ACBD5: variants seen among roughly 807,000 people sequenced by gnomAD.
The protein encoded by ACBD5 is acyl-CoA binding domain containing 5, also known as acyl-CoA-binding domain-containing protein 5.
Under a neutral mutation model 71.8 loss-of-function variants are expected in ACBD5, and 40 were observed. That is an observed-to-expected ratio of 0.56 (90% CI 0.43 to 0.72). ACBD5 has a LOEUF of 0.72. Among genes scored for constraint, ACBD5 ranks in the 30% least tolerant of loss-of-function variants. The pLI, the probability that ACBD5 is intolerant of heterozygous loss-of-function variation, is 0.00. For synonymous variants in ACBD5, 229 were observed against 218.6 expected, an observed-to-expected ratio of 1.05 and a Z score of -0.42; for missense variants, 559 against 644.5, an observed-to-expected ratio of 0.87 and a Z score of 1.44.
At chr10:27,229,962 C>T (rs574347963) in intron 4 of ACBD5, among the ~76,000 whole-genome samples, 39 of 152,224 alleles carry the variant, frequency 2.6e-4, no homozygotes, top group African/African-American at 8.4e-4. Context: ...ATTGCCTCAT[C>T]GTCCTCCAAC....
In ACBD5 at chr10:27,219,750, C is replaced by G. The variant is rs774634240; in HGVS notation, c.598G>C (p.Val200Leu). ...ESEEEEAQEE[V>L]KGAEQSDNDK... ...TTATCACTTTGTTCTGCTCCTTTCA[C>G]TTCTTCTTGGGCCTCTTCTTCCTCA... The change falls in exon 6 of 13, where the codon GTG (valine) becomes CTG (leucine). Residue 200 changes from valine (V) to leucine (L), a missense_variant. Physicochemically the swap from Val to Leu is conservative, Grantham distance 32. Transcript: ENST00000396271. The G allele has an allele frequency of 5.6e-6, 9 of 1,614,066 alleles. No homozygotes were observed. Among genetic ancestry groups the G allele is most frequent in the Non-Finnish European group, 1.7e-6 (2 of 1,179,986 alleles).
In ACBD5 at chr10:27,223,292, A is replaced by C. The variant is rs770501539; in HGVS notation, c.490+46T>G. 1.5e-5 allele frequency: 20 copies of C among 1,344,864 alleles called. No individual in the cohort carries two copies. The South Asian group carries it at 2.2e-4, about 15-fold the overall frequency. 83.3% of individuals were successfully genotyped at this position (1,344,864 alleles called of 1,614,324 possible). ...CAGAGATACAAATATTAATATGTGC[A>C]TAATATATCAGTTGATGAATTTAAA... On this transcript the variant is annotated intron_variant, in intron 5 of 12. Transcript: ENST00000396271.
chr10:27,223,646 C>T (rs972623095), intron 4 of ACBD5, among the ~76,000 whole-genome samples, 194 bp from the exon 5 acceptor site: 2 of 151,408 alleles, frequency 1.3e-5, no homozygotes, highest in Admixed American at 6.5e-5. Context: ...TGGCTCATGC[C>T]TGTAATCCCA....
In ACBD5 at chr10:27,205,250, T is replaced by G; in HGVS notation, c.1405-2A>C. ...CAATGTTGATGTTGATGATTTTGCC[T>G]GTAAATGCAAATGAAGGTGACTTAG... On this transcript the variant is annotated splice_acceptor_variant, in intron 10 of 12. Transcript: ENST00000396271. LOFTEE classifies it high-confidence loss of function. 1 of 1,612,824 alleles carries G rather than the reference T, an allele frequency of 6.2e-7. No individual in the cohort carries two copies.
At chr10:27,189,326 A>G (rs1207626397) in intron 13 of ACBD5, among the ~76,000 whole-genome samples, 1 of 152,206 alleles carries the variant, frequency 6.6e-6, no homozygotes, top group African/African-American at 2.4e-5. Context: ...CCGGCCAGCT[A>G]TATACAGTTT....
intron 12 of ACBD5, among the ~76,000 whole-genome samples, chr10:27,200,942 T>C (rs1308580188): frequency 6.6e-6 from 1 of 151,868 alleles, no homozygotes; most frequent in African/African-American, 2.4e-5. Context: ...AAGGCTGAGG[T>C]GGGAGGATCT....
intron 10 of ACBD5, among the ~76,000 whole-genome samples, chr10:27,207,910 T>C (rs1207719990): frequency 1.3e-5 from 2 of 152,148 alleles, no homozygotes; most frequent in African/African-American, 4.8e-5. Flanking sequence ...AACTTTTGTA[T>C]TTTTAGTAGA....
upstream of ACBD5, among the ~76,000 whole-genome samples, chr10:27,241,521 T>C (rs1023859307): frequency 1.3e-5 from 2 of 152,056 alleles, no homozygotes; most frequent in African/African-American, 2.4e-5. Flanking sequence ...ACACTACCCT[T>C]TCCACCCAGC....
At chr10:27,194,482 G>T (rs1448089849), downstream of ACBD5, among the ~76,000 whole-genome samples, 1 of 145,326 alleles carries the variant, frequency 6.9e-6, no homozygotes, top group Non-Finnish European at 1.5e-5. Context: ...TGTGGTGGTG[G>T]GTGCCTGTAA....
At chr10:27,191,511 G>T (rs2059075714), downstream of ACBD5, among the ~76,000 whole-genome samples, 3 of 152,180 alleles carry the variant, frequency 2.0e-5, no homozygotes, top group Non-Finnish European at 2.9e-5. Context: ...AGGTTGTGCA[G>T]GTGGGGCGGG....
intron 6 of ACBD5, among the ~76,000 whole-genome samples, chr10:27,218,901 GTCTT>G (rs1337728752): frequency 2.6e-5 from 4 of 152,146 alleles, no homozygotes; most frequent in Admixed American, 2.0e-4. Context: ...TTGTTTTAGT[GTCTT>G]TCTGTCTCCC....
chr10:27,240,039 C>T lies in ACBD5; in HGVS notation c.181+280G>A, dbSNP rs1180879250. Reference sequence around the variant, plus strand: ...TTGGGATTACAGGCTTGAGCCACCGCGCCCGGCCCGGATTTATTTTTTAAC... The same window carrying T: ...TTGGGATTACAGGCTTGAGCCACCGTGCCCGGCCCGGATTTATTTTTTAAC... On this transcript the variant is annotated intron_variant, in intron 2 of 12. Coordinates refer to ENST00000396271, the MANE Select transcript of ACBD5 (RefSeq NM_145698.5). The surrounding 1 kb of genome is among the most constrained non-coding windows in gnomAD (Gnocchi z 4.1). Among the ~76,000 whole-genome samples the T allele has an allele frequency of 6.6e-6, 1 of 152,176 alleles. No homozygotes were observed. Among genetic ancestry groups the T allele is most frequent in the African/African-American group, 2.4e-5 (1 of 41,436 alleles).
intron 4 of ACBD5, among the ~76,000 whole-genome samples, chr10:27,226,178 G>C (rs1300836026): frequency 1.3e-5 from 2 of 151,950 alleles, no homozygotes; most frequent in Non-Finnish European, 2.9e-5. Context: ...TTTAGATTCA[G>C]AGGGTACATG....
intron 12 of ACBD5, among the ~76,000 whole-genome samples, chr10:27,200,445 T>C (rs556966951): frequency 1.4e-4 from 21 of 152,136 alleles, no homozygotes; most frequent in African/African-American, 5.1e-4. Context: ...ACTTTCTTTT[T>C]TCTCTCTTTT....
downstream of ACBD5, among the ~76,000 whole-genome samples, chr10:27,194,263 A>C (rs1371837834): frequency 6.6e-6 from 1 of 151,480 alleles, no homozygotes; most frequent in Non-Finnish European, 1.5e-5. Context: ...ATTAAAAAAA[A>C]AAAAAAAAAC....
chr10:27,197,387 T>A lies in ACBD5; in HGVS notation c.*43A>T. The stretch of plus-strand genomic sequence containing the variant: ...CACCACAATCCAGTTCATTCTGAGG[T>A]CATCCAGTTCCAGTAGTCTTCTTGA... On this transcript the variant is annotated 3_prime_UTR_variant, in exon 13 of 13. Coordinates refer to ENST00000396271, the MANE Select transcript of ACBD5 (RefSeq NM_145698.5). 5 of 1,594,044 alleles carry A rather than the reference T, an allele frequency of 3.1e-6. No homozygotes were observed. Among genetic ancestry groups the A allele is most frequent in the Non-Finnish European group, 4.3e-6 (5 of 1,162,558 alleles).
Position 27,184,552 on chromosome 10 carries a change from G to A in ACBD5, c.1494-1837C>T, listed in dbSNP as rs796432479. Among the ~76,000 whole-genome samples, 214 of 89,648 alleles carry A rather than the reference G, an allele frequency of 2.4e-3. 1 individual carries two copies. Among genetic ancestry groups the A allele is most frequent in the African/African-American group, 7.8e-3 (199 of 25,454 alleles). 58.8% of individuals were successfully genotyped at this position (89,648 alleles called of 152,430 possible). ...TAAAAAACACTATCACATATAAGAA[G>A]GATTTTTTTTTTTTTTTTTTTTTTT... On this transcript the variant is annotated intron_variant, in intron 13 of 13. Coordinates refer to the ACBD5 transcript ENST00000676511.
intron 12 of ACBD5, among the ~76,000 whole-genome samples, chr10:27,202,606 GAAGT>G (rs139000960): frequency 0.069 from 10,511 of 152,012 alleles, 670 homozygotes; most frequent in African/African-American, 0.17. Context: ...AATCTTTAAT[GAAGT>G]AATAAGCTGC....
intron 13 of ACBD5, among the ~76,000 whole-genome samples, chr10:27,188,258 A>T (rs1037399228): frequency 1.3e-5 from 2 of 152,248 alleles, no homozygotes; most frequent in Non-Finnish European, 2.9e-5. Context: ...CAGTTGTTCA[A>T]AACTTTGAAT....
Sources: gnomAD v4.1 joint callset for allele counts (sites outside exome capture counted in the v4.1 genomes callset) on GRCh38, gnomAD v4.1.1 for gene constraint, Gnocchi (gnomAD v3.1) non-coding constraint, MANE v1.5 for transcripts, NCBI Gene and HGNC (gene_info 2026-07-23, HGNC 2026-07-21) for gene names.